SLC43A2: variants seen among roughly 807,000 people sequenced by gnomAD.
The protein encoded by SLC43A2 is solute carrier family 43 member 2.
A neutral mutation model predicts 63.2 loss-of-function variants in SLC43A2; 38 were observed. That is an observed-to-expected ratio of 0.60 (90% CI 0.46 to 0.79). The LOEUF is 0.79. Among genes scored for constraint, SLC43A2 ranks in the 30% least tolerant of loss-of-function variants. The pLI is 0.00. For synonymous variants in SLC43A2, 322 were observed against 331.0 expected (o/e 0.97, Z 0.30); for missense variants, 644 against 756.2 (o/e 0.85, Z 1.74).
intron 3 of SLC43A2, among the ~76,000 whole-genome samples, chr17:1,616,043 G>GAA (rs77735350): frequency 0.023 from 1,637 of 70,062 alleles, 14 homozygotes; most frequent in Middle Eastern, 0.11. Flanking sequence ...ACTCCGTCTT[G>GAA]AAAAAAAAAA....
chr17:1,628,069 C>T lies in SLC43A2; in HGVS notation c.-46-149G>A, dbSNP rs556208852. On this transcript the variant is annotated intron_variant, in intron 1 of 13. Coordinates refer to ENST00000301335, the MANE Select transcript of SLC43A2 (RefSeq NM_152346.3). ...GCGCAGCAGAGGAAGCGAACCCCAG[C>T]CCTGCCCGGACCTGGGACACCCCGA... The T allele has an allele frequency of 3.8e-5, 30 of 798,156 alleles. No homozygotes were observed. The East Asian group carries it at 1.1e-3, about 30-fold the overall frequency. The allele number at this position is 798,156 out of a possible 1,614,324, so 49.4% of individuals were successfully genotyped here. A position where few individuals can be genotyped will look rare whatever the true frequency, so the allele number is the denominator to read the frequency against.
At chr17:1,584,542 G>A (rs899676532) in intron 10 of SLC43A2, among the ~76,000 whole-genome samples, 1 of 152,142 alleles carries the variant, frequency 6.6e-6, no homozygotes, top group Non-Finnish European at 1.5e-5. Context: ...GGCTGGGCGT[G>A]GTGGCTTATG....
At chr17:1,592,052 C>G (rs1904869369) in intron 6 of SLC43A2, among the ~76,000 whole-genome samples, 1 of 152,228 alleles carries the variant, frequency 6.6e-6, no homozygotes, top group African/African-American at 2.4e-5. Context: ...ATTAGCGGAG[C>G]TCCCTGAAGG....
At chr17:1,610,932 C>G (rs1266372121) in intron 5 of SLC43A2, among the ~76,000 whole-genome samples, 1 of 151,640 alleles carries the variant, frequency 6.6e-6, no homozygotes, top group African/African-American at 2.4e-5. Flanking sequence ...ACTCCGCCTC[C>G]CGGCCTCAAG....
chr17:1,621,414 C>T (rs1187842139), intron 2 of SLC43A2, among the ~76,000 whole-genome samples: 1 of 152,212 alleles, frequency 6.6e-6, no homozygotes, highest in Admixed American at 6.5e-5. Context: ...ACCGATGGCC[C>T]CTGCCCAGGA....
chr17:1,597,294 G>A lies in SLC43A2; in HGVS notation c.502-4015C>T, dbSNP rs545233573. Among the ~76,000 whole-genome samples the A allele has an allele frequency of 3.5e-3, 526 of 150,318 alleles. 2 individuals are homozygous for A. Among genetic ancestry groups the A allele is most frequent in the Non-Finnish European group, 6.3e-3 (427 of 67,608 alleles). ...CCGAGGTGGGCAGATCACAAGATCA[G>A]GAGTTCAAGACCAGCCTGGCGAACA... On this transcript the variant is annotated intron_variant, in intron 5 of 13. Coordinates refer to ENST00000301335, the MANE Select transcript of SLC43A2 (RefSeq NM_152346.3).
rs1017691302 is a variant in SLC43A2, at chr17:1,569,775, C to T, written c.*5829G>A. On this transcript the variant is annotated 3_prime_UTR_variant, in exon 14 of 14. Transcript: ENST00000301335. ...GAGCAGCTATTTGGCCAAGTCTTACCAAAACGTGAAAGCCACAAAAGAAAA... is the reference window on the plus strand; with the variant it reads ...GAGCAGCTATTTGGCCAAGTCTTACTAAAACGTGAAAGCCACAAAAGAAAA... 2.0e-5 allele frequency: 3 copies of T among 151,882 alleles called. No homozygotes were observed. Among genetic ancestry groups the T allele is most frequent in the Admixed American group, 6.6e-5 (1 of 15,200 alleles). The allele number at this position is 151,882 out of a possible 1,614,324, so 9.4% of individuals were successfully genotyped here. A position where few individuals can be genotyped will look rare whatever the true frequency, so the allele number is the denominator to read the frequency against.
rs1567643501 is a variant in SLC43A2 at position 1,614,835 on chromosome 17, G to T, written c.424+144C>A. 9.0e-6 allele frequency: 7 copies of T among 774,374 alleles called. No individual in the cohort carries two copies. The East Asian group carries it at 1.9e-4, about 21-fold the overall frequency. 48.0% of individuals were successfully genotyped at this position (774,374 alleles called of 1,614,324 possible). ...CGCCGTCTATTTGAGATAAGTAACTGAGTAGAGGCGTAACAGGTGTCCCCT... is the reference window on the plus strand; with the variant it reads ...CGCCGTCTATTTGAGATAAGTAACTTAGTAGAGGCGTAACAGGTGTCCCCT... On this transcript the variant is annotated intron_variant, in intron 4 of 13. Coordinates refer to ENST00000301335, the MANE Select transcript of SLC43A2 (RefSeq NM_152346.3).
rs56106930 is a variant in SLC43A2, at chr17:1,605,107, C to A, written c.501+8088G>T. ...AGGTGGGAGTGCAAGCCCCTCTTCC[C>A]GCCCTCAGGTGCTTCCCACAGCCCC... On this transcript the variant is annotated intron_variant, in intron 5 of 13. Coordinates refer to ENST00000301335, the MANE Select transcript of SLC43A2 (RefSeq NM_152346.3). The surrounding 1 kb of genome is among the most constrained non-coding windows in gnomAD (Gnocchi z 4.9). 244,376 of 1,337,040 alleles carry A rather than the reference C, an allele frequency of 0.18. 24,421 individuals are homozygous for A. The highest frequency in any genetic ancestry group is 0.41 in the East Asian group (13,028 of 31,812). 82.8% of individuals were successfully genotyped at this position (1,337,040 alleles called of 1,614,324 possible).
rs756587615 is a variant in SLC43A2, at chr17:1,583,370, G to T, written c.1218-34C>A. On this transcript the variant is annotated intron_variant, in intron 10 of 13. Coordinates refer to ENST00000301335, the MANE Select transcript of SLC43A2 (RefSeq NM_152346.3). This position sits in a 1 kb window ranked among gnomAD's most constrained non-coding sequence, Gnocchi z 5.5. ...ACACAGAACGTGCAGGGGTGGGAGG[G>T]CTCCCCGGAGGAAGCCGGGTGCTCC... The T allele has an allele frequency of 2.5e-6, 4 of 1,607,242 alleles. No individual in the cohort carries two copies. Among genetic ancestry groups the T allele is most frequent in the Admixed American group, 1.7e-5 (1 of 59,800 alleles).
At chr17:1,616,392 C>T in intron 3 of SLC43A2, 170 bp downstream of exon 3, 2 of 667,576 alleles carry the variant, frequency 3.0e-6, no homozygotes, top group South Asian at 3.9e-5. Context: ...GCGAGGACCA[C>T]AGTACCTGCT....
chr17:1,628,006 C>G (rs1411406822), intron 1 of SLC43A2, 86 bp from the exon 2 acceptor site: 1 of 1,210,966 alleles, frequency 8.3e-7, no homozygotes, highest in Non-Finnish European at 1.0e-6. Flanking sequence ...CCGCAGGGCT[C>G]GGGATTGCCA....
chr17:1,587,659 A>G (rs1010766749), intron 9 of SLC43A2, among the ~76,000 whole-genome samples: 1 of 152,024 alleles, frequency 6.6e-6, no homozygotes, highest in African/African-American at 2.4e-5. Flanking sequence ...ACCTTGAACA[A>G]GCTCCTCCAT....
chr17:1,591,037 G>C, intron 8 of SLC43A2, 89 bp from the exon 9 acceptor site: 3 of 1,438,964 alleles, frequency 2.1e-6, no homozygotes, highest in Non-Finnish European at 2.8e-6. Flanking sequence ...TGGAGGCCAG[G>C]AGGGGGCCCT....
chr17:1,627,677 C>T (rs1411846042), intron 2 of SLC43A2, 38 bp downstream of exon 2: 2 of 1,323,540 alleles, frequency 1.5e-6, no homozygotes, highest in Non-Finnish European at 2.0e-6. Context: ...AAAGCCCCAG[C>T]TCCAGGAGCC....
At chr17:1,627,669 A>ACCC in intron 2 of SLC43A2, 46 bp downstream of exon 2, 1 of 1,127,306 alleles carries the variant, frequency 8.9e-7, no homozygotes, top group Non-Finnish European at 1.2e-6. Flanking sequence ...CCCCTCCCAA[A>ACCC]GCCCCAGCTC....
At chr17:1,569,261 C>G (rs1343682172), downstream of SLC43A2, 2 of 152,324 alleles carry the variant, frequency 1.3e-5, no homozygotes, top group East Asian at 1.9e-4. Context: ...GAGGAAGCCG[C>G]TCGCAGTCAT....
chr17:1,575,037 G>C lies in SLC43A2; in HGVS notation c.*567C>G, dbSNP rs1175759519. ...TGGGGCTTCTCCACCGGCCTCCAAC[G>C]GGTGGGCAGGCCCTGGACAGGCGAC... On this transcript the variant is annotated 3_prime_UTR_variant, in exon 14 of 14. Transcript: ENST00000301335. 6.3e-6 allele frequency: 1 copy of C among 159,302 alleles called. No homozygotes were observed. Among genetic ancestry groups the C allele is most frequent in the Admixed American group, 6.1e-5 (1 of 16,520 alleles). The allele number at this position is 159,302 out of a possible 1,614,324, so 9.9% of individuals were successfully genotyped here.
At chr17:1,627,002 G>C (rs193099137) in intron 2 of SLC43A2, among the ~76,000 whole-genome samples, 1 of 152,296 alleles carries the variant, frequency 6.6e-6, no homozygotes, top group African/African-American at 2.4e-5. Context: ...ATGTCATGTA[G>C]AGAAGCATCC....
Sources: gnomAD v4.1 joint callset for allele counts (sites outside exome capture counted in the v4.1 genomes callset) on GRCh38, gnomAD v4.1.1 for gene constraint, Gnocchi (gnomAD v3.1) non-coding constraint, MANE v1.5 for transcripts, NCBI Gene and HGNC (gene_info 2026-07-23, HGNC 2026-07-21) for gene names.